Variants in ANKS1B observed in about 807,000 individuals in gnomAD.
The protein encoded by ANKS1B is ankyrin repeat and sterile alpha motif domain-containing protein 1B.
ANKS1B carries 36 observed loss-of-function variants against 148.3 expected under a neutral mutation model. The ratio of observed to expected loss-of-function variants is 0.24; its 90% confidence interval spans 0.19 to 0.32. The LOEUF is 0.32. Ranked by LOEUF, ANKS1B falls within the 10% of genes least tolerant of loss-of-function variation. The pLI, the probability that ANKS1B is intolerant of heterozygous loss-of-function variation, is 1.00. For synonymous variants in ANKS1B, 542 were observed against 560.8 expected (o/e 0.97, Z 0.47); for missense variants, 1,157 against 1,542.6 (o/e 0.75, Z 4.19).
intron 14 of ANKS1B, among the ~76,000 whole-genome samples, chr12:99,223,080 G>A (rs1366524893): frequency 6.6e-6 from 1 of 152,130 alleles, no homozygotes; most frequent in Admixed American, 6.5e-5. Context: ...CCTAGAATTG[G>A]CCTCACAGTT....
chr12:99,617,350 G>C (rs559117841), intron 9 of ANKS1B, among the ~76,000 whole-genome samples: 2 of 152,104 alleles, frequency 1.3e-5, no homozygotes, highest in Non-Finnish European at 2.9e-5. Flanking sequence ...GATGTTTATT[G>C]TAGCACTATT....
chr12:98,842,219 T>C (rs1461961101), intron 17 of ANKS1B, among the ~76,000 whole-genome samples: 3 of 152,220 alleles, frequency 2.0e-5, no homozygotes, highest in Admixed American at 2.0e-4. Flanking sequence ...AGTATATTCA[T>C]GCAACAAAAT....
chr12:99,824,957 GGGT>G (rs1196511332), intron 2 of ANKS1B, among the ~76,000 whole-genome samples: 2 of 152,224 alleles, frequency 1.3e-5, no homozygotes, highest in Non-Finnish European at 2.9e-5. Flanking sequence ...CTCCTATGTT[GGGT>G]GAATACAAGG....
chr12:99,792,821 A>C (rs1312102821), intron 4 of ANKS1B, among the ~76,000 whole-genome samples: 1 of 152,064 alleles, frequency 6.6e-6, no homozygotes, highest in Non-Finnish European at 1.5e-5. Context: ...CTGTTACTCA[A>C]AATAGAACTG....
chr12:98,764,341 C>T (rs1286102654), intron 25 of ANKS1B, among the ~76,000 whole-genome samples: 2 of 152,206 alleles, frequency 1.3e-5, no homozygotes, highest in African/African-American at 4.8e-5. Context: ...ATTCTCCAGC[C>T]TCAGTCTCCT....
Position 98,829,097 on chromosome 12 carries a change from T to C in ANKS1B, c.3066+77A>G. On this transcript the variant is annotated intron_variant, in intron 19 of 26. Transcript: ENST00000683438. The surrounding 1 kb of genome is among the most constrained non-coding windows in gnomAD (Gnocchi z 5.2). ...GTTAGGCACGGACAATAAGCATCCA[T>C]AGGAAGCTACTGTTCACTATTAAAA... is the stretch of plus-strand genomic sequence containing the variant. 4.7e-6 allele frequency: 7 copies of C among 1,501,632 alleles called. No individual in the cohort carries two copies. The highest frequency in any genetic ancestry group is 2.8e-5 in the African/African-American group (2 of 72,022). 93.0% of individuals were successfully genotyped at this position (1,501,632 alleles called of 1,614,324 possible). A position where few individuals can be genotyped will look rare whatever the true frequency, so the allele number is the denominator to read the frequency against.
rs190129408 is a variant in ANKS1B, at chr12:99,191,414, T to C, written c.2420-37019A>G. On this transcript the variant is annotated intron_variant, in intron 14 of 26. Transcript: ENST00000683438. ...TGCACACGTGTGTTTACTGCGACACTGTTCACAATAGCAAAGACTTGGAAC... is the reference window on the plus strand; with the variant it reads ...TGCACACGTGTGTTTACTGCGACACCGTTCACAATAGCAAAGACTTGGAAC... Among the ~76,000 whole-genome samples the C allele has an allele frequency of 1.9e-4, 29 of 152,338 alleles. No individual in the cohort carries two copies. In the East Asian group the frequency reaches 4.2e-3, roughly 22 times the overall value.
At chr12:99,077,112 T>C (rs1043318145) in intron 16 of ANKS1B, among the ~76,000 whole-genome samples, 3 of 152,158 alleles carry the variant, frequency 2.0e-5, no homozygotes, top group Non-Finnish European at 4.4e-5. Flanking sequence ...GTGGAGCTTG[T>C]AAGAACCCTG....
chr12:99,009,259 C>G (rs938521147), intron 17 of ANKS1B, among the ~76,000 whole-genome samples: 2 of 152,170 alleles, frequency 1.3e-5, no homozygotes, highest in African/African-American at 4.8e-5. Flanking sequence ...TTAAACAAAT[C>G]TAAACATTCT....
intron 22 of ANKS1B, among the ~76,000 whole-genome samples, chr12:98,797,920 C>T (rs866896984): frequency 1.3e-5 from 2 of 152,104 alleles, no homozygotes; most frequent in Non-Finnish European, 2.9e-5. Context: ...TAGTTAGATG[C>T]TATATTGAAC....
intron 14 of ANKS1B, among the ~76,000 whole-genome samples, chr12:99,227,650 G>C (rs1049627568): frequency 6.6e-6 from 1 of 152,104 alleles, no homozygotes; most frequent in Non-Finnish European, 1.5e-5. Flanking sequence ...ACCATCAAAA[G>C]GCTAACTACT....
At chr12:99,518,904 A>G (rs2096848466) in intron 9 of ANKS1B, among the ~76,000 whole-genome samples, 1 of 152,080 alleles carries the variant, frequency 6.6e-6, no homozygotes, top group African/African-American at 2.4e-5. Flanking sequence ...TATATCCTAT[A>G]CATTTTGGTA....
chr12:99,237,276 T>C (rs1237561563), intron 14 of ANKS1B, among the ~76,000 whole-genome samples: 1 of 152,056 alleles, frequency 6.6e-6, no homozygotes, highest in Non-Finnish European at 1.5e-5. Context: ...TACACTAAAA[T>C]AGTCATTATA....
chr12:98,745,701 G>T lies in ANKS1B; in HGVS notation c.*38C>A, dbSNP rs1279515675. On this transcript the variant is annotated 3_prime_UTR_variant, in exon 27 of 27. Coordinates refer to ENST00000683438, the MANE Select transcript of ANKS1B (RefSeq NM_001352186.2). Reference sequence around the variant, plus strand: ...GGAAAGCCTGCTCCGGGACCGCTTGGCGAGCAAGGCACCGCGAGGACAGGA... The same window carrying T: ...GGAAAGCCTGCTCCGGGACCGCTTGTCGAGCAAGGCACCGCGAGGACAGGA... The T allele has an allele frequency of 2.5e-6, 4 of 1,608,746 alleles. No individual in the cohort carries two copies. In the South Asian group the frequency reaches 4.4e-5, roughly 18 times the overall value.
chr12:99,920,707 A>T (rs914292180), intron 1 of ANKS1B, among the ~76,000 whole-genome samples: 1 of 152,076 alleles, frequency 6.6e-6, no homozygotes, highest in African/African-American at 2.4e-5. Flanking sequence ...TAAATCTCAG[A>T]GTCCAAAGGA....
At chr12:99,149,152 G>C (rs1053693150) in intron 15 of ANKS1B, among the ~76,000 whole-genome samples, 1 of 152,034 alleles carries the variant, frequency 6.6e-6, no homozygotes, top group Non-Finnish European at 1.5e-5. Flanking sequence ...ATCACAATAT[G>C]CTACTAAGAT....
chr12:99,031,244 C>T (rs1368604623), intron 17 of ANKS1B, among the ~76,000 whole-genome samples: 1 of 152,164 alleles, frequency 6.6e-6, no homozygotes, highest in Non-Finnish European at 1.5e-5. Context: ...GAAATTAGTT[C>T]TTTCTCCTTA....
chr12:99,955,041 T>C (rs1448098660), intron 1 of ANKS1B, among the ~76,000 whole-genome samples: 1 of 152,212 alleles, frequency 6.6e-6, no homozygotes, highest in Non-Finnish European at 1.5e-5. Flanking sequence ...TATGATATCC[T>C]GATTCTCAGA....
intron 1 of ANKS1B, among the ~76,000 whole-genome samples, chr12:99,901,333 T>C (rs1471407950): frequency 6.6e-6 from 1 of 152,230 alleles, no homozygotes; most frequent in African/African-American, 2.4e-5. Flanking sequence ...CAGCCTGTGC[T>C]GCCAGACTTC....
Sources: allele counts gnomAD v4.1 joint callset (sites outside exome capture counted in the v4.1 genomes callset), GRCh38; gene constraint gnomAD v4.1.1; non-coding constraint Gnocchi (gnomAD v3.1); transcripts MANE v1.5; gene names NCBI Gene and HGNC (gene_info 2026-07-23, HGNC 2026-07-21).